MID1: variants seen among roughly 807,000 people sequenced by gnomAD.
MID1 encodes midline 1.
Under a neutral mutation model 40.4 loss-of-function variants are expected in MID1, and 7 were observed. The observed-to-expected ratio is 0.17, with a 90% CI of 0.10 to 0.33. The LOEUF (loss-of-function observed/expected upper bound fraction) is 0.33. MID1 is among the 10% of genes least tolerant of loss of function. The probability of loss-of-function intolerance (pLI) is 1.00; values close to 1 mark genes in which losing one functional copy is unlikely to be tolerated. For missense variants in MID1, 367 were observed against 558.5 expected (o/e 0.66, Z 3.46); for synonymous variants, 229 against 221.2 (o/e 1.04, Z -0.31).
At chrX:10,515,944 G>A (rs766839029) in intron 3 of MID1, among the ~76,000 whole-genome samples, 2 of 112,154 alleles carry the variant, frequency 1.8e-5, no homozygotes, top group African/African-American at 6.5e-5. Context: ...GAAATGTGAT[G>A]AAGAGATACA....
chrX:10,505,588 G>C, intron 3 of MID1: 1 of 753,951 alleles, frequency 1.3e-6, no homozygotes, highest in Non-Finnish European at 1.6e-6. Flanking sequence ...CTGAAAAGTA[G>C]CGATTTCTAT....
At chrX:10,730,865 C>T (rs187472990) in intron 1 of MID1, among the ~76,000 whole-genome samples, 54 of 111,388 alleles carry the variant, frequency 4.8e-4, no homozygotes, top group Non-Finnish European at 7.9e-4. Flanking sequence ...TGAGCCACTG[C>T]GCCCGGCAAG....
chrX:10,787,420 A>G (rs1369146453), intron 1 of MID1, among the ~76,000 whole-genome samples: 1 of 105,952 alleles, frequency 9.4e-6, no homozygotes, highest in Non-Finnish European at 1.9e-5. Context: ...TCCACGTACT[A>G]CTTGCATAAC....
intron 2 of MID1, among the ~76,000 whole-genome samples, chrX:10,537,805 G>A (rs1933316983): frequency 9.0e-6 from 1 of 111,438 alleles, no homozygotes; most frequent in Non-Finnish European, 1.9e-5. Flanking sequence ...GTCCTGACAC[G>A]ATTCAGATTT....
intron 9 of MID1, among the ~76,000 whole-genome samples, chrX:10,452,723 GT>G (rs1327040729): frequency 1.8e-5 from 2 of 111,942 alleles, no homozygotes; most frequent in Non-Finnish European, 3.8e-5. Context: ...CGTCAGGTTT[GT>G]AAAGATTAAT....
rs780924929 is a variant in MID1 at position 10,469,400 on chromosome X, TTCTC to T, written c.1285+293_1285+296del. The T allele has an allele frequency of 5.6e-4, 576 of 1,034,616 alleles. 1 individual carries two copies. Among genetic ancestry groups the T allele is most frequent in the Middle Eastern group, 1.5e-3 (4 of 2,608 alleles). The allele number at this position is 1,034,616 out of a possible 1,213,427, so 85.3% of individuals were successfully genotyped here. On this transcript the variant is annotated intron_variant, in intron 7 of 9. Transcript: ENST00000317552. ...ATTAATACTATATATATATATTTGTTTCTCTCTCTATGTATCTCTCTATATATTT... is the reference window on the plus strand; with the variant it reads ...ATTAATACTATATATATATATTTGTTTCTCTATGTATCTCTCTATATATTT...
At chrX:10,768,072 G>A (rs1213478135) in intron 1 of MID1, among the ~76,000 whole-genome samples, 1 of 111,606 alleles carries the variant, frequency 9.0e-6, no homozygotes, top group Non-Finnish European at 1.9e-5. Context: ...GTTTATAAAT[G>A]AGAGCAATTG....
intron 1 of MID1, among the ~76,000 whole-genome samples, chrX:10,754,724 C>A (rs2043621845): frequency 9.0e-6 from 1 of 111,128 alleles, no homozygotes; most frequent in Non-Finnish European, 1.9e-5. Context: ...TATGGCCCTG[C>A]AATCTCCATG....
intron 1 of MID1, among the ~76,000 whole-genome samples, chrX:10,660,407 C>T (rs1270274218): frequency 4.5e-5 from 5 of 112,267 alleles, no homozygotes; most frequent in Non-Finnish European, 9.4e-5. Context: ...ATCACCACAG[C>T]GCTGGGGCCT....
At chrX:10,483,800 T>C (rs960857851) in intron 4 of MID1, among the ~76,000 whole-genome samples, 1 of 112,044 alleles carries the variant, frequency 8.9e-6, no homozygotes, top group Admixed American at 9.5e-5. Flanking sequence ...GAAAGAGATG[T>C]CAGAACTTGA....
chrX:10,755,938 G>A (rs771473581), intron 1 of MID1, among the ~76,000 whole-genome samples: 52 of 111,930 alleles, frequency 4.6e-4, no homozygotes, highest in African/African-American at 1.5e-3. Flanking sequence ...GTGCTTGCCC[G>A]CCCACATGCT....
intron 6 of MID1, among the ~76,000 whole-genome samples, chrX:10,472,861 C>T (rs956293111): frequency 8.9e-6 from 1 of 112,224 alleles, no homozygotes; most frequent in African/African-American, 3.2e-5. Context: ...GTCACTGAAC[C>T]ACTGCCCAGC....
Position 10,454,887 on chromosome X carries a change from G to A in MID1, c.1638C>T (p.Val546=), listed in dbSNP as rs922580057. Residue 546 remains valine (V), a synonymous_variant, in exon 9 of 10, where the codon GTC becomes GTT. Transcript: ENST00000317552. ...IDSGRHYWEV[V]ISGSTWYAIG... The stretch of plus-strand genomic sequence containing the variant: ...TTGCTTACCATGTGCTTCCACTTAT[G>A]ACCACTTCCCAATAATGCCGGCCAC... The A allele has an allele frequency of 2.5e-6, 3 of 1,210,303 alleles. No individual in the cohort carries two copies. Among genetic ancestry groups the A allele is most frequent in the South Asian group, 3.5e-5 (2 of 56,931 alleles).
At chrX:10,469,437 T>C (rs1929570148) in intron 7 of MID1, 4 of 1,085,462 alleles carry the variant, frequency 3.7e-6, no homozygotes, top group Non-Finnish European at 4.8e-6. Flanking sequence ...TTTGTTTCTC[T>C]CTATATATTT....
At chrX:10,515,839 T>C (rs148463060) in intron 3 of MID1, among the ~76,000 whole-genome samples, 3,333 of 112,333 alleles carry the variant, frequency 0.03, 78 homozygotes, top group African/African-American at 0.074. Context: ...ACTTGATTAT[T>C]GGAATGTGCA....
At chrX:10,645,383 T>C (rs1936251755) in intron 1 of MID1, among the ~76,000 whole-genome samples, 1 of 111,725 alleles carries the variant, frequency 9.0e-6, no homozygotes, top group Non-Finnish European at 1.9e-5. Context: ...AACAGCTGAA[T>C]TGGTCACAGC....
At chrX:10,542,190 T>C (rs1933497935) in intron 2 of MID1, among the ~76,000 whole-genome samples, 1 of 112,397 alleles carries the variant, frequency 8.9e-6, no homozygotes, top group Non-Finnish European at 1.9e-5. Flanking sequence ...ACATCACAAG[T>C]ATTAATGTGT....
chrX:10,477,913 A>G (rs1930101625), intron 5 of MID1, among the ~76,000 whole-genome samples: 1 of 112,423 alleles, frequency 8.9e-6, no homozygotes, highest in Non-Finnish European at 1.9e-5. Context: ...CACTTCCAAA[A>G]CCACTGATCA....
At chrX:10,817,623 CTTTTTTT>C (rs749401235) in intron 1 of MID1, among the ~76,000 whole-genome samples, 13 of 37,259 alleles carry the variant, frequency 3.5e-4, no homozygotes, top group Admixed American at 3.2e-3. Flanking sequence ...TTTCTTTCTT[CTTTTTTT>C]TTTTTTTTTG....
Sources: gnomAD v4.1 joint callset for allele counts (sites outside exome capture counted in the v4.1 genomes callset) on GRCh38, gnomAD v4.1.1 for gene constraint, MANE v1.5 for transcripts, NCBI Gene and HGNC (gene_info 2026-07-23, HGNC 2026-07-21) for gene names.